ZNF536: variants seen among roughly 807,000 people sequenced by gnomAD.
The protein encoded by ZNF536 is zinc finger protein 536.
ZNF536 carries 13 observed loss-of-function variants against 84.5 expected under a neutral mutation model. That is an observed-to-expected ratio of 0.15 (90% CI 0.10 to 0.24). The LOEUF (loss-of-function observed/expected upper bound fraction) is 0.24. Ranked by LOEUF, ZNF536 falls within the 10% of genes least tolerant of loss-of-function variation. The probability of loss-of-function intolerance (pLI) is 1.00; values close to 1 mark genes in which losing one functional copy is unlikely to be tolerated. For synonymous variants in ZNF536, 811 were observed against 742.5 expected (o/e 1.09, Z -1.50); for missense variants, 1,536 against 1,747.5 (o/e 0.88, Z 2.16).
At chr19:30,555,603 G>A (rs1422530208) in intron 4 of ZNF536, 2 of 152,174 alleles carry the variant, frequency 1.3e-5, no homozygotes, top group East Asian at 3.9e-4. Context: ...AATGAGTCCT[G>A]CCCTGCCTCA....
intron 1 of ZNF536, among the ~76,000 whole-genome samples, chr19:30,392,249 C>T (rs2049623641): frequency 6.6e-6 from 1 of 152,102 alleles, no homozygotes; most frequent in Non-Finnish European, 1.5e-5. Context: ...TTGCAGGAAA[C>T]CAGTAGGAAA....
intron 1 of ZNF536, among the ~76,000 whole-genome samples, chr19:30,583,701 C>T (rs1300694800): frequency 6.6e-6 from 1 of 152,156 alleles, no homozygotes; most frequent in African/African-American, 2.4e-5. Flanking sequence ...GGGCAGCAAT[C>T]AATGCATTCC....
At chr19:30,632,688 A>C (rs1469632289) in intron 1 of ZNF536, among the ~76,000 whole-genome samples, 1 of 149,724 alleles carries the variant, frequency 6.7e-6, no homozygotes, top group African/African-American at 2.4e-5. Flanking sequence ...CCAACCAACC[A>C]ACCAGAAGTC....
At position 30,548,367 on chromosome 19, in the gene ZNF536, G is replaced by T. The variant is rs2146198056; in HGVS notation, c.2748G>T (p.Gly916=). The T allele has an allele frequency of 6.2e-7, 1 of 1,614,146 alleles. No homozygotes were observed. Among genetic ancestry groups the T allele is most frequent in the Non-Finnish European group, 8.5e-7 (1 of 1,180,032 alleles). The change falls in exon 4 of 5, where the codon GGG becomes GGT. Residue 916 remains glycine, a synonymous_variant. Coordinates refer to ENST00000355537, the MANE Select transcript of ZNF536 (RefSeq NM_014717.3). ...TGAGCAACGGTGTGAATTTCCAAGGGTCCTTGCAAGCTTTCATGGACAGTT... is the reference window on the plus strand; with the variant it reads ...TGAGCAACGGTGTGAATTTCCAAGGTTCCTTGCAAGCTTTCATGGACAGTT... ...SIVSNGVNFQ[G]SLQAFMDSFV...
intron 1 of ZNF536, among the ~76,000 whole-genome samples, chr19:30,629,480 G>A (rs1192867821): frequency 6.6e-6 from 1 of 152,210 alleles, no homozygotes; most frequent in African/African-American, 2.4e-5. Context: ...ATAGGCATAA[G>A]CCACCATGCC....
intron 4 of ZNF536, 71 bp downstream of exon 4, chr19:30,549,585 A>G (rs910548849): frequency 7.0e-7 from 1 of 1,420,046 alleles, no homozygotes; most frequent in East Asian, 2.4e-5. Context: ...ATTTAAAAAA[A>G]TGAGGTAGAC....
chr19:30,631,166 G>A (rs1390152285), intron 1 of ZNF536, among the ~76,000 whole-genome samples: 3 of 152,158 alleles, frequency 2.0e-5, no homozygotes, highest in African/African-American at 4.8e-5. Flanking sequence ...ACCAGGAGCC[G>A]GCCCTCCCCT....
intron 2 of ZNF536, among the ~76,000 whole-genome samples, chr19:30,287,654 GTGGATGGATGGGTGGGTGGATGGATGGA>G (rs2045689188): frequency 6.4e-5 from 7 of 108,924 alleles, no homozygotes; most frequent in African/African-American, 2.7e-4. Flanking sequence ...GGATGGGTGG[GTGGATGGATGGGTGGGTGGATGGATGGA>G]TGGATGGATG....
At chr19:30,546,386 A>C (rs1466361752) in intron 3 of ZNF536, among the ~76,000 whole-genome samples, 2 of 152,218 alleles carry the variant, frequency 1.3e-5, no homozygotes, top group Admixed American at 1.3e-4. Context: ...TCCTAGACCT[A>C]AGGGCCACCT....
chr19:30,245,634 C>T (rs1256697361), intron 1 of ZNF536, among the ~76,000 whole-genome samples: 2 of 152,150 alleles, frequency 1.3e-5, no homozygotes, highest in African/African-American at 2.4e-5. Flanking sequence ...ACGAGGTCGC[C>T]GTGATGGAAG....
chr19:30,686,669 A>G (rs1600265746), intron 1 of ZNF536, among the ~76,000 whole-genome samples: 1 of 152,224 alleles, frequency 6.6e-6, no homozygotes, highest in South Asian at 2.1e-4. Flanking sequence ...GCTGTCAGGT[A>G]TCTGCGCGCG....
At chr19:30,635,687 G>C (rs1224162998) in intron 1 of ZNF536, among the ~76,000 whole-genome samples, 3 of 152,234 alleles carry the variant, frequency 2.0e-5, no homozygotes, top group African/African-American at 7.2e-5. Context: ...GGGCAGATTG[G>C]AGGAGCAGCT....
intron 1 of ZNF536, among the ~76,000 whole-genome samples, chr19:30,573,282 G>T (rs898524560): frequency 2.0e-5 from 3 of 152,176 alleles, no homozygotes; most frequent in African/African-American, 7.2e-5. Context: ...TGTTCAAAGA[G>T]AAAATAATGA....
At chr19:30,517,088 T>C (rs148821163) in intron 2 of ZNF536, among the ~76,000 whole-genome samples, 38 of 152,346 alleles carry the variant, frequency 2.5e-4, no homozygotes, top group African/African-American at 8.7e-4. Context: ...TGGGGCCTTT[T>C]TGAAATCTGA....
intron 1 of ZNF536, among the ~76,000 whole-genome samples, chr19:30,700,213 CTTCTTTCT>C (rs60390336): frequency 3.1e-4 from 32 of 102,668 alleles, no homozygotes; most frequent in Middle Eastern, 5.3e-3. Context: ...TCTTTCTTTC[CTTCTTTCT>C]TTCTTTCTTT....
At chr19:30,240,499 C>T (rs2023866703) in intron 1 of ZNF536, among the ~76,000 whole-genome samples, 1 of 152,208 alleles carries the variant, frequency 6.6e-6, no homozygotes, top group South Asian at 2.1e-4. Flanking sequence ...GGACCTTGTC[C>T]CAGGGCAGCT....
intron 3 of ZNF536, among the ~76,000 whole-genome samples, chr19:30,539,868 A>G (rs2045260248): frequency 6.6e-6 from 1 of 152,098 alleles, no homozygotes; most frequent in African/African-American, 2.4e-5. Flanking sequence ...AGGCTCTCCC[A>G]TGTGTGGGTT....
chr19:30,304,829 A>C (rs1345894399), intron 2 of ZNF536, among the ~76,000 whole-genome samples: 1 of 152,114 alleles, frequency 6.6e-6, no homozygotes, highest in Non-Finnish European at 1.5e-5. Context: ...CATCTGGGGG[A>C]AATGATGGAC....
intron 2 of ZNF536, among the ~76,000 whole-genome samples, chr19:30,314,451 C>T (rs111724203): frequency 3.3e-5 from 5 of 152,214 alleles, no homozygotes; most frequent in East Asian, 3.9e-4. Flanking sequence ...CCACACATCT[C>T]GAGGGTCCAC....
Sources: gnomAD v4.1 joint callset for allele counts (sites outside exome capture counted in the v4.1 genomes callset) on GRCh38, gnomAD v4.1.1 for gene constraint, MANE v1.5 for transcripts, NCBI Gene and HGNC (gene_info 2026-07-23, HGNC 2026-07-21) for gene names.